The following GPBP1L1 variants were observed in gnomAD, a reference collection of about 807,000 sequenced individuals.
GPBP1L1 encodes GC-rich promoter binding protein 1 like 1, also known as vasculin-like protein 1.
In GPBP1L1, 23 loss-of-function variants were observed where a neutral mutation model predicts 52.5. That is an observed-to-expected ratio of 0.44 (90% confidence interval 0.32 to 0.62). GPBP1L1 has a LOEUF of 0.62. Ranked by LOEUF, GPBP1L1 falls within the 20% of genes least tolerant of loss-of-function variation. GPBP1L1 has a pLI of 0.06. For missense variants in GPBP1L1, 596 were observed against 579.3 expected (o/e 1.03, Z -0.30); for synonymous variants, 243 against 203.1 (o/e 1.20, Z -1.67).
At chr1:45,672,286 C>T (rs1024992158) in intron 2 of GPBP1L1, among the ~76,000 whole-genome samples, 13 of 150,052 alleles carry the variant, frequency 8.7e-5, no homozygotes, top group Non-Finnish European at 1.6e-4. Flanking sequence ...CACTTGAATC[C>T]GGGAGGCGGA....
intron 2 of GPBP1L1, among the ~76,000 whole-genome samples, chr1:45,664,836 A>G (rs980332852): frequency 6.6e-6 from 1 of 151,604 alleles, no homozygotes; most frequent in Non-Finnish European, 1.5e-5. Flanking sequence ...CCACCACCAC[A>G]CCCGGTTAAT....
intron 6 of GPBP1L1, among the ~76,000 whole-genome samples, chr1:45,648,999 C>G (rs539647018): frequency 8.5e-5 from 13 of 152,344 alleles, no homozygotes; most frequent in African/African-American, 3.1e-4. Flanking sequence ...CATTGCACTC[C>G]AGCCTGAGAC....
At chr1:45,646,043 G>C in intron 6 of GPBP1L1, 1 of 501,946 alleles carries the variant, frequency 2.0e-6, no homozygotes, top group Non-Finnish European at 3.9e-6. Flanking sequence ...TATCATCAAT[G>C]ATTTCAAATT....
In GPBP1L1 at chr1:45,628,004, GTA is replaced by G. The variant is rs926515787; in HGVS notation, c.*250_*251del. On this transcript the variant is annotated 3_prime_UTR_variant, in exon 13 of 13. Coordinates refer to ENST00000355105, the MANE Select transcript of GPBP1L1 (RefSeq NM_021639.5). ...GCATCGCCCCATATATACTGGGTGT[GTA>G]TGTGTGTGTGTGTGTGAGTGTGTTT... The G allele has an allele frequency of 9.4e-6, 4 of 424,126 alleles. No homozygotes were observed. The highest frequency in any genetic ancestry group is 4.5e-5 in the East Asian group (1 of 22,060). The allele number at this position is 424,126 out of a possible 1,614,324, so 26.3% of individuals were successfully genotyped here.
Position 45,660,220 on chromosome 1 carries a change from C to T in GPBP1L1, c.-92G>A, listed in dbSNP as rs748452937. The T allele has an allele frequency of 2.1e-4, 202 of 985,212 alleles. No individual in the cohort carries two copies. The highest frequency in any genetic ancestry group is 2.3e-4 in the Non-Finnish European group (195 of 829,934). The allele number at this position is 985,212 out of a possible 1,614,324, so 61.0% of individuals were successfully genotyped here. A position where few individuals can be genotyped will look rare whatever the true frequency, so the allele number is the denominator to read the frequency against. ...ACCTCTGTGGTCCTGTTTCTGAACT[C>T]GAGTCGGCCAGCTGGATCTCCCACA... On this transcript the variant is annotated 5_prime_UTR_variant, in exon 3 of 13. Transcript: ENST00000355105.
At chr1:45,636,818 A>C (rs1428853117) in intron 8 of GPBP1L1, among the ~76,000 whole-genome samples, 2 of 152,220 alleles carry the variant, frequency 1.3e-5, no homozygotes, top group African/African-American at 4.8e-5. Context: ...TCAAAAGATT[A>C]ATTTCTCAAC....
intron 12 of GPBP1L1, 105 bp downstream of exon 12, chr1:45,629,471 C>A (rs10159068): frequency 0.23 from 32,884 of 141,824 alleles, 4,796 homozygotes; most frequent in East Asian, 0.3. Context: ...CCCCCCCACC[C>A]GATCTTTCTC....
At chr1:45,666,560 AT>A (rs1645013637) in intron 2 of GPBP1L1, among the ~76,000 whole-genome samples, 1 of 152,174 alleles carries the variant, frequency 6.6e-6, no homozygotes, top group African/African-American at 2.4e-5. Flanking sequence ...AGTTTAATAA[AT>A]TTTTATGAAT....
In GPBP1L1 at chr1:45,627,402, T is replaced by C. The variant is rs188638503; in HGVS notation, c.*854A>G. On this transcript the variant is annotated 3_prime_UTR_variant, in exon 13 of 13. Transcript: ENST00000355105. Reference sequence around the variant, plus strand: ...AGAAACAGTTGTGTCTGAATTCACATTTCCCCCCAACTTCTAAAAATATTT... The same window carrying C: ...AGAAACAGTTGTGTCTGAATTCACACTTCCCCCCAACTTCTAAAAATATTT... 6.6e-6 allele frequency: 1 copy of C among 152,574 alleles called. No individual in the cohort carries two copies. Among genetic ancestry groups the C allele is most frequent in the East Asian group, 1.9e-4 (1 of 5,206 alleles). 9.5% of individuals were successfully genotyped at this position (152,574 alleles called of 1,614,324 possible). A position where few individuals can be genotyped will look rare whatever the true frequency, so the allele number is the denominator to read the frequency against.
chr1:45,655,695 A>G (rs893889714), intron 4 of GPBP1L1: 1 of 162,282 alleles, frequency 6.2e-6, no homozygotes, highest in African/African-American at 2.4e-5. Context: ...AAATAATTCT[A>G]AAGTTTTAGT....
At position 45,660,590 on chromosome 1, in the gene GPBP1L1, A is replaced by G; in HGVS notation, c.-462T>C. 1.0e-6 allele frequency: 1 copy of G among 983,712 alleles called. No individual in the cohort carries two copies. Among genetic ancestry groups the G allele is most frequent in the Non-Finnish European group, 1.2e-6 (1 of 828,350 alleles). The allele number at this position is 983,712 out of a possible 1,614,324, so 60.9% of individuals were successfully genotyped here. A position where few individuals can be genotyped will look rare whatever the true frequency, so the allele number is the denominator to read the frequency against. ...TGCAAATACTGTTCATAACAAGGTC[A>G]TAGCTAGAAAGACAGATGGGCTCAA... On this transcript the variant is annotated 5_prime_UTR_variant, in exon 3 of 13. It removes an upstream start codon present in the reference 5' UTR. Transcript: ENST00000355105.
intron 8 of GPBP1L1, among the ~76,000 whole-genome samples, chr1:45,636,714 T>G (rs1644598909): frequency 6.6e-6 from 1 of 152,240 alleles, no homozygotes; most frequent in Non-Finnish European, 1.5e-5. Flanking sequence ...TTGCTCCAAT[T>G]TACTGTCAAG....
intron 7 of GPBP1L1, among the ~76,000 whole-genome samples, chr1:45,641,061 C>T (rs1351424532): frequency 6.6e-6 from 1 of 151,918 alleles, no homozygotes; most frequent in Non-Finnish European, 1.5e-5. Flanking sequence ...AGTAGCAGCT[C>T]CTGTCAGCAT....
chr1:45,629,454 T>TTCCG (rs758811981), intron 12 of GPBP1L1, 122 bp downstream of exon 12: 1 of 115,396 alleles, frequency 8.7e-6, no homozygotes. Flanking sequence ...ACTAAGGTAA[T>TTCCG]CCCCCCCCCC....
rs1452630089 is a variant in GPBP1L1 at position 45,655,330 on chromosome 1, G to A, written c.61-11C>T. ...GGTGGCAGTAGGTGACTAAGATGAT[G>A]AAGTATGGAGAGGCAAATGGATAAA... On this transcript the variant is annotated splice_polypyrimidine_tract_variant and intron_variant, in intron 4 of 12. Transcript: ENST00000355105. The A allele has an allele frequency of 1.2e-6, 2 of 1,613,734 alleles. No homozygotes were observed. Among genetic ancestry groups the A allele is most frequent in the South Asian group, 1.1e-5 (1 of 91,068 alleles).
chr1:45,636,204 CT>C (rs1377810048), intron 8 of GPBP1L1, among the ~76,000 whole-genome samples: 6 of 152,086 alleles, frequency 3.9e-5, no homozygotes, highest in Admixed American at 3.9e-4. Flanking sequence ...TTTTCTGAAC[CT>C]GTCCCTTTTT....
intron 4 of GPBP1L1, among the ~76,000 whole-genome samples, chr1:45,658,045 T>C (rs1644905109): frequency 6.6e-6 from 1 of 152,224 alleles, no homozygotes; most frequent in African/African-American, 2.4e-5. Context: ...TTAAGTTTAC[T>C]AGCTTCCCAA....
chr1:45,639,608 G>A (rs1023037496), intron 8 of GPBP1L1, among the ~76,000 whole-genome samples: 6 of 151,760 alleles, frequency 4.0e-5, no homozygotes, highest in Admixed American at 1.3e-4. Flanking sequence ...TGGGCGTGGC[G>A]GCTCACGCCT....
At chr1:45,640,944 G>T (rs1644663609) in intron 7 of GPBP1L1, among the ~76,000 whole-genome samples, 1 of 152,148 alleles carries the variant, frequency 6.6e-6, no homozygotes. Context: ...CTTGAGCCCA[G>T]GTCGAGGCTG....
Sources: gnomAD v4.1 joint callset for allele counts (sites outside exome capture counted in the v4.1 genomes callset) on GRCh38, gnomAD v4.1.1 for gene constraint, MANE v1.5 for transcripts, NCBI Gene and HGNC (gene_info 2026-07-23, HGNC 2026-07-21) for gene names.